Variants in MSN observed in about 807,000 individuals in gnomAD.
MSN encodes moesin, also known as epididymis luminal protein 70.
Under a neutral mutation model 48.0 loss-of-function variants are expected in MSN, and 2 were observed. That is an observed-to-expected ratio of 0.04 (90% confidence interval 0.02 to 0.13). The LOEUF is 0.13. Ranked by LOEUF, MSN falls within the 10% of genes least tolerant of loss-of-function variation. The pLI is 1.00. For synonymous variants in MSN, 146 were observed against 166.9 expected (o/e 0.87, Z 0.97); for missense variants, 267 against 470.1 (o/e 0.57, Z 3.99).
chrX:65,737,747 A>G (rs2071692659), intron 10 of MSN, among the ~76,000 whole-genome samples: 1 of 112,482 alleles, frequency 8.9e-6, no homozygotes, highest in South Asian at 3.6e-4. Flanking sequence ...AGATAAGGAA[A>G]TTAGAGCTCA....
At chrX:65,641,602 T>TATATATG (rs1569457293) in intron 1 of MSN, among the ~76,000 whole-genome samples, 2 of 59,256 alleles carry the variant, frequency 3.4e-5, no homozygotes, top group African/African-American at 1.3e-4. Context: ...ATATATATAT[T>TATATATG]TTAGCATATT....
intron 1 of MSN, among the ~76,000 whole-genome samples, chrX:65,683,924 T>TTTTC (rs1226051787): frequency 9.2e-6 from 1 of 108,823 alleles, no homozygotes; most frequent in South Asian, 3.8e-4. Flanking sequence ...AAACTCTTTT[T>TTTTC]TTTCTTTCTT....
At chrX:65,666,354 T>C (rs1170694768), upstream of MSN, among the ~76,000 whole-genome samples, 1 of 108,507 alleles carries the variant, frequency 9.2e-6, no homozygotes, top group Non-Finnish European at 1.9e-5. Context: ...TGAGACAGAG[T>C]TTCACTCTGT....
chrX:65,724,428 G>A (rs1026624662), intron 2 of MSN, among the ~76,000 whole-genome samples: 1 of 111,110 alleles, frequency 9.0e-6, no homozygotes, highest in Non-Finnish European at 1.9e-5. Context: ...ATAGGCATGA[G>A]CCACCACACC....
At chrX:65,607,787 A>G (rs960633872) in intron 1 of MSN, among the ~76,000 whole-genome samples, 3 of 110,450 alleles carry the variant, frequency 2.7e-5, no homozygotes, top group Non-Finnish European at 3.8e-5. Context: ...GAGGCAGGGG[A>G]CATGGTTCTG....
chrX:65,695,120 G>A (rs1361620728), intron 1 of MSN, among the ~76,000 whole-genome samples: 3 of 109,762 alleles, frequency 2.7e-5, no homozygotes, highest in Non-Finnish European at 3.8e-5. Flanking sequence ...GGTGGTGGTG[G>A]TGGTGGAGTA....
In MSN at chrX:65,636,925, C is replaced by CAA. The variant is rs747759325; in HGVS notation, c.-22+48328_-22+48329dup. ...TGAAACCCCGTCTCTACTAAAAATACAAAAAAAAAAAAAAAACTTAGCTGG... is the reference window on the plus strand; with the variant it reads ...TGAAACCCCGTCTCTACTAAAAATACAAAAAAAAAAAAAAAAAACTTAGCTGG... On this transcript the variant is annotated intron_variant, in intron 1 of 3. Coordinates refer to the MSN transcript ENST00000609672. Among the ~76,000 whole-genome samples the CAA allele has an allele frequency of 1.6e-3, 90 of 57,319 alleles. 1 individual carries two copies. The highest frequency in any genetic ancestry group is 5.5e-3 in the African/African-American group (85 of 15,419). 49.8% of individuals were successfully genotyped at this position (57,319 alleles called of 115,157 possible).
intron 1 of MSN, among the ~76,000 whole-genome samples, chrX:65,707,261 G>T (rs1451226312): frequency 1.8e-5 from 2 of 110,950 alleles, no homozygotes; most frequent in Non-Finnish European, 3.8e-5. Flanking sequence ...GTACCACCGA[G>T]ATGAGTTTGT....
chrX:65,681,123 A>G (rs981764297), intron 1 of MSN, among the ~76,000 whole-genome samples: 2 of 110,448 alleles, frequency 1.8e-5, no homozygotes, highest in Non-Finnish European at 3.8e-5. Flanking sequence ...TCTTTCCTTC[A>G]GCTTGAAATT....
intron 1 of MSN, among the ~76,000 whole-genome samples, chrX:65,682,303 A>G (rs1460928839): frequency 8.9e-6 from 1 of 112,125 alleles, no homozygotes; most frequent in Non-Finnish European, 1.9e-5. Context: ...GCCAAATTCA[A>G]GGTCTTTGAG....
chrX:65,608,685 A>G (rs903118145), intron 1 of MSN, among the ~76,000 whole-genome samples: 2 of 111,162 alleles, frequency 1.8e-5, no homozygotes, highest in Non-Finnish European at 3.8e-5. Context: ...GGCAGAGTAC[A>G]TGGCATGCTG....
At chrX:65,617,235 G>A (rs867725687) in intron 1 of MSN, among the ~76,000 whole-genome samples, 3 of 109,412 alleles carry the variant, frequency 2.7e-5, no homozygotes, top group Non-Finnish European at 5.6e-5. Flanking sequence ...ATGAGTTAGG[G>A]AGGATTCCCT....
chrX:65,676,111 G>A (rs2070996175), intron 1 of MSN, among the ~76,000 whole-genome samples: 1 of 112,441 alleles, frequency 8.9e-6, no homozygotes, highest in South Asian at 3.7e-4. Flanking sequence ...ATAAAATCAG[G>A]TATTTGGGAA....
chrX:65,668,005 A>G, intron 1 of MSN, 152 bp downstream of exon 1: 2 of 643,424 alleles, frequency 3.1e-6, no homozygotes, highest in Non-Finnish European at 4.8e-6. Flanking sequence ...CCGGAGTGGG[A>G]TCCTGGTCTG....
At chrX:65,653,626 G>A (rs2070758229) in intron 1 of MSN, among the ~76,000 whole-genome samples, 1 of 108,874 alleles carries the variant, frequency 9.2e-6, no homozygotes, top group Admixed American at 9.8e-5. Context: ...GGCAAGCATG[G>A]GAGCCTGTTT....
At chrX:65,626,470 G>C (rs1012894941) in intron 1 of MSN, among the ~76,000 whole-genome samples, 1 of 111,556 alleles carries the variant, frequency 9.0e-6, no homozygotes, top group Admixed American at 9.6e-5. Context: ...GTTGTAGTCT[G>C]TATGTTTAGT....
chrX:65,614,303 G>A lies in MSN; in HGVS notation c.-22+25691G>A, dbSNP rs1602718827. ...GTATTATAGTTTGAAGTCAGCAAGT[G>A]TGATGCCTCCAGCTTTGTTCTTTTT... is the stretch of plus-strand genomic sequence containing the variant. On this transcript the variant is annotated intron_variant, in intron 1 of 3. Coordinates refer to the MSN transcript ENST00000609672. 6.2e-5 allele frequency among the ~76,000 whole-genome samples: 7 copies of A among 112,026 alleles called. 1 individual carries two copies. In the South Asian group the frequency reaches 2.6e-3, roughly 41 times the overall value.
Position 65,738,495 on chromosome X carries a change from A to G in MSN, c.1252-30A>G, listed in dbSNP as rs755704644. On this transcript the variant is annotated intron_variant, in intron 10 of 12. Coordinates refer to ENST00000360270, the MANE Select transcript of MSN (RefSeq NM_002444.3). ...CTGGGTCCTGAGGACCAGAAGGCCC[A>G]GCTCTCACAGGCTTCCAATTTATCC... The G allele has an allele frequency of 8.5e-6, 10 of 1,177,255 alleles. No individual in the cohort carries two copies. In the East Asian group the frequency reaches 3.1e-4, roughly 37 times the overall value.
intron 1 of MSN, among the ~76,000 whole-genome samples, chrX:65,689,874 G>A (rs2071156301): frequency 1.8e-5 from 2 of 111,845 alleles, no homozygotes; most frequent in Admixed American, 1.9e-4. Flanking sequence ...TTTTCTTGTG[G>A]ACTTGAAGCA....
Sources: gnomAD v4.1 joint callset for allele counts (sites outside exome capture counted in the v4.1 genomes callset) on GRCh38, gnomAD v4.1.1 for gene constraint, MANE v1.5 for transcripts, NCBI Gene and HGNC (gene_info 2026-07-23, HGNC 2026-07-21) for gene names.